The following CREB5 variants were observed in gnomAD, a reference collection of about 807,000 sequenced individuals.
CREB5 encodes cyclic AMP-responsive element-binding protein 5.
In CREB5, 19 loss-of-function variants were observed where a neutral mutation model predicts 57.1. The ratio of observed to expected loss-of-function variants is 0.33; its 90% confidence interval spans 0.23 to 0.49. CREB5 has a LOEUF of 0.49. Ranked by LOEUF, CREB5 falls within the 20% of genes least tolerant of loss-of-function variation. The pLI is 0.99. For missense variants in CREB5, 579 were observed against 671.6 expected, an observed-to-expected ratio of 0.86 and a Z score of 1.52; for synonymous variants, 238 against 238.3, an observed-to-expected ratio of 1.00 and a Z score of 0.01.
At position 28,790,466 on chromosome 7, in the gene CREB5, G is replaced by T. The variant is rs983002167; in HGVS notation, c.703-13733G>T. 1.1e-3 allele frequency among the ~76,000 whole-genome samples: 147 copies of T among 136,772 alleles called. 2 individuals are homozygous for T. Among genetic ancestry groups the T allele is most frequent in the Non-Finnish European group, 1.9e-3 (118 of 62,544 alleles). 89.7% of individuals were successfully genotyped at this position (136,772 alleles called of 152,430 possible). ...AGAGAGAGAGAGAGAGAGAGATAGA[G>T]AGAGAGAGAAAGAAAGAAAGAAAGA... On this transcript the variant is annotated intron_variant, in intron 7 of 10. Coordinates refer to ENST00000357727, the MANE Select transcript of CREB5 (RefSeq NM_182898.4).
intron 2 of CREB5, among the ~76,000 whole-genome samples, chr7:28,493,198 A>G (rs910527500): frequency 1.3e-5 from 2 of 152,234 alleles, no homozygotes; most frequent in African/African-American, 4.8e-5. Flanking sequence ...ACTTATATTG[A>G]CTATCCTGAG....
chr7:28,497,384 CT>C (rs1444813050), intron 3 of CREB5, among the ~76,000 whole-genome samples: 1 of 152,226 alleles, frequency 6.6e-6, no homozygotes, highest in African/African-American at 2.4e-5. Context: ...CTGCCAATCA[CT>C]GGCAGTGCCA....
chr7:28,332,749 C>G (rs941203067), intron 1 of CREB5, among the ~76,000 whole-genome samples: 1 of 152,150 alleles, frequency 6.6e-6, no homozygotes, highest in Non-Finnish European at 1.5e-5. Flanking sequence ...TTTTTTCCCT[C>G]ACTAACTAAC....
intron 4 of CREB5, among the ~76,000 whole-genome samples, chr7:28,531,158 T>C (rs1161068051): frequency 1.3e-5 from 2 of 152,108 alleles, no homozygotes; most frequent in Non-Finnish European, 2.9e-5. Flanking sequence ...TTATATAGTC[T>C]CTTGGTCTCT....
chr7:28,382,473 C>T (rs1860760), intron 1 of CREB5, among the ~76,000 whole-genome samples: 6,397 of 152,152 alleles, frequency 0.042, 449 homozygotes, highest in African/African-American at 0.15. Context: ...CTGAGTACCC[C>T]TTAACTCAGT....
At chr7:28,531,745 G>A (rs1793738999) in intron 4 of CREB5, among the ~76,000 whole-genome samples, 1 of 152,150 alleles carries the variant, frequency 6.6e-6, no homozygotes, top group Non-Finnish European at 1.5e-5. Flanking sequence ...TAAAAACTGA[G>A]GCTAGCCGGG....
chr7:28,790,981 A>C lies in CREB5; in HGVS notation c.703-13218A>C, dbSNP rs73308852. Among the ~76,000 whole-genome samples the C allele has an allele frequency of 6.9e-3, 1,054 of 152,314 alleles. 17 individuals carry two copies. The highest frequency in any genetic ancestry group is 0.024 in the African/African-American group (1,016 of 41,578). ...GTTTGAAAACCTTACAGAAGTGGGA[A>C]AATTTCCATACACAATCTTATGCAT... On this transcript the variant is annotated intron_variant, in intron 7 of 10. Coordinates refer to ENST00000357727, the MANE Select transcript of CREB5 (RefSeq NM_182898.4).
At chr7:28,527,345 A>G (rs897118512) in intron 4 of CREB5, among the ~76,000 whole-genome samples, 10 of 152,204 alleles carry the variant, frequency 6.6e-5, no homozygotes, top group Non-Finnish European at 1.2e-4. Flanking sequence ...CTTCTTTGGA[A>G]CAGTACTCCT....
chr7:28,396,942 C>T (rs1211465300), intron 1 of CREB5, among the ~76,000 whole-genome samples: 12 of 152,134 alleles, frequency 7.9e-5, no homozygotes. Context: ...AAGGAAGAAA[C>T]AAACCTGAGT....
At chr7:28,719,974 C>T (rs375285724) in intron 6 of CREB5, among the ~76,000 whole-genome samples, 5 of 152,250 alleles carry the variant, frequency 3.3e-5, no homozygotes, top group South Asian at 4.1e-4. Flanking sequence ...GCAGGAGAAT[C>T]GCTTGAACCC....
At chr7:28,657,037 T>C (rs2128710063) in intron 5 of CREB5, among the ~76,000 whole-genome samples, 1 of 152,240 alleles carries the variant, frequency 6.6e-6, no homozygotes, top group Non-Finnish European at 1.5e-5. Flanking sequence ...TTCAAGTGAT[T>C]AGGTGCATGT....
chr7:28,664,896 G>C (rs892699683), intron 5 of CREB5, among the ~76,000 whole-genome samples: 2 of 152,138 alleles, frequency 1.3e-5, no homozygotes, highest in African/African-American at 4.8e-5. Context: ...CAAATAATGA[G>C]GGTTGTAAAA....
At chr7:28,685,427 G>A (rs879905271) in intron 5 of CREB5, among the ~76,000 whole-genome samples, 2 of 152,128 alleles carry the variant, frequency 1.3e-5, no homozygotes, top group Admixed American at 1.3e-4. Flanking sequence ...GGTCAGATGC[G>A]AGAAGTCTCC....
At chr7:28,515,151 G>A (rs767755794) in intron 4 of CREB5, among the ~76,000 whole-genome samples, 42 of 152,038 alleles carry the variant, frequency 2.8e-4, no homozygotes, top group Admixed American at 5.9e-4. Context: ...AATTTGATTT[G>A]GGCCTCTTCA....
chr7:28,581,637 A>G (rs573946626), intron 5 of CREB5, among the ~76,000 whole-genome samples: 1 of 152,332 alleles, frequency 6.6e-6, no homozygotes, highest in East Asian at 1.9e-4. Context: ...AGAGCTTCCT[A>G]AGAAAGGCTG....
intron 1 of CREB5, among the ~76,000 whole-genome samples, chr7:28,471,828 G>GA (rs1790825821): frequency 6.6e-6 from 1 of 151,876 alleles, no homozygotes; most frequent in Non-Finnish European, 1.5e-5. Context: ...GTTCATAATA[G>GA]AAAAAATATA....
At chr7:28,806,151 T>C (rs899173625) in intron 8 of CREB5, among the ~76,000 whole-genome samples, 1 of 152,222 alleles carries the variant, frequency 6.6e-6, no homozygotes, top group Non-Finnish European at 1.5e-5. Context: ...ATTCTTTGAA[T>C]ATAAAAGCCA....
chr7:28,582,734 G>A (rs216750), intron 5 of CREB5, among the ~76,000 whole-genome samples: 110,464 of 152,048 alleles, frequency 0.73, 40,995 homozygotes, highest in East Asian at 0.92. Flanking sequence ...GAAATTAGAC[G>A]TGTGGTGAGT....
At chr7:28,723,868 C>T (rs1490073802) in intron 6 of CREB5, among the ~76,000 whole-genome samples, 3 of 152,082 alleles carry the variant, frequency 2.0e-5, no homozygotes, top group African/African-American at 4.8e-5. Flanking sequence ...TTTCCTATAG[C>T]TTTTGTATGG....
Sources: allele counts gnomAD v4.1 joint callset (sites outside exome capture counted in the v4.1 genomes callset), GRCh38; gene constraint gnomAD v4.1.1; transcripts MANE v1.5; gene names NCBI Gene and HGNC (gene_info 2026-07-23, HGNC 2026-07-21).